VAC14: variants seen among roughly 807,000 people sequenced by gnomAD.
VAC14 encodes protein VAC14 homolog.
In VAC14, 47 loss-of-function variants were observed where a neutral mutation model predicts 85.3. The ratio of observed to expected loss-of-function variants is 0.55; its 90% CI spans 0.44 to 0.70. The LOEUF (loss-of-function observed/expected upper bound fraction) is 0.70, where lower values mean the gene tolerates loss of function less well. Among genes scored for constraint, VAC14 ranks in the 30% least tolerant of loss-of-function variants. The probability of loss-of-function intolerance (pLI) is 0.00; values close to 1 mark genes in which losing one functional copy is unlikely to be tolerated. For missense variants in VAC14, 861 were observed against 1,004.3 expected, an observed-to-expected ratio of 0.86 and a Z score of 1.93; for synonymous variants, 447 against 430.5, an observed-to-expected ratio of 1.04 and a Z score of -0.47.
In VAC14 at chr16:70,727,562, A is replaced by G. The variant is rs1255468051; in HGVS notation, c.1661+3933T>C. Among the ~76,000 whole-genome samples, 3 of 151,668 alleles carry G rather than the reference A, an allele frequency of 2.0e-5. No individual in the cohort carries two copies. The East Asian group carries it at 5.8e-4, about 29-fold the overall frequency. ...GCTATGTTGGCCAGGCTGGTCTTGAACTCCTGACCTCGTGATCCGCACACC... is the reference window on the plus strand; with the variant it reads ...GCTATGTTGGCCAGGCTGGTCTTGAGCTCCTGACCTCGTGATCCGCACACC... On this transcript the variant is annotated intron_variant, in intron 14 of 18. Transcript: ENST00000261776.
At chr16:70,765,906 C>G (rs1222156309) in intron 10 of VAC14, among the ~76,000 whole-genome samples, 1 of 151,972 alleles carries the variant, frequency 6.6e-6, no homozygotes, top group East Asian at 1.9e-4. Flanking sequence ...CCGAGGCAGG[C>G]GGATGATTTG....
intron 13 of VAC14, among the ~76,000 whole-genome samples, chr16:70,734,915 G>A (rs1035876620): frequency 2.0e-5 from 3 of 152,216 alleles, no homozygotes; most frequent in Non-Finnish European, 4.4e-5. Context: ...TAGAGTTGCT[G>A]ACCCAGGCAG....
At chr16:70,781,141 G>A (rs2033792310) in intron 8 of VAC14, among the ~76,000 whole-genome samples, 1 of 152,038 alleles carries the variant, frequency 6.6e-6, no homozygotes, top group African/African-American at 2.4e-5. Flanking sequence ...TATTATTCAT[G>A]AGGGGGCTCG....
At chr16:70,716,199 GTTTC>G (rs1260183279) in intron 14 of VAC14, 1 of 152,090 alleles carries the variant, frequency 6.6e-6, no homozygotes, top group Non-Finnish European at 1.5e-5. Context: ...CAGGTCACCT[GTTTC>G]TTTGTTACTT....
At chr16:70,792,849 C>T (rs1249096572) in intron 1 of VAC14, among the ~76,000 whole-genome samples, 1 of 152,228 alleles carries the variant, frequency 6.6e-6, no homozygotes, top group Non-Finnish European at 1.5e-5. Context: ...CCTAAGCACT[C>T]ACACTCTGCT....
chr16:70,720,762 C>T (rs896707811), intron 14 of VAC14, among the ~76,000 whole-genome samples: 1 of 152,190 alleles, frequency 6.6e-6, no homozygotes, highest in Non-Finnish European at 1.5e-5. Context: ...GAGGAGGCCC[C>T]GATGGCCCCA....
chr16:70,757,863 C>T (rs144058323), intron 12 of VAC14, among the ~76,000 whole-genome samples: 1 of 152,262 alleles, frequency 6.6e-6, no homozygotes, highest in African/African-American at 2.4e-5. Flanking sequence ...AGCAAGCTTC[C>T]ACTATTATTT....
At chr16:70,731,319 A>T in intron 14 of VAC14, 176 bp downstream of exon 14, 1 of 1,452,892 alleles carries the variant, frequency 6.9e-7, no homozygotes, top group Non-Finnish European at 9.0e-7. Context: ...TTCATGTCAG[A>T]AGCATCAGCA....
At chr16:70,691,466 C>G (rs1410589795) in intron 18 of VAC14, 1 of 967,770 alleles carries the variant, frequency 1.0e-6, no homozygotes, top group Non-Finnish European at 1.2e-6. Flanking sequence ...TTCTAGGCCT[C>G]TCTCGGAGTC....
chr16:70,747,532 C>T (rs951227848), intron 12 of VAC14: 9 of 150,034 alleles, frequency 6.0e-5, no homozygotes, highest in African/African-American at 2.2e-4. Flanking sequence ...CCTAAATCAG[C>T]AACCTAATTC....
At chr16:70,733,888 C>T (rs552054067) in intron 13 of VAC14, among the ~76,000 whole-genome samples, 6 of 152,268 alleles carry the variant, frequency 3.9e-5, no homozygotes, top group South Asian at 2.1e-4. Context: ...TACAATGGCA[C>T]GGTCTTGGCT....
intron 14 of VAC14, among the ~76,000 whole-genome samples, chr16:70,725,494 C>T (rs1048256071): frequency 1.6e-4 from 24 of 152,238 alleles, no homozygotes; most frequent in African/African-American, 2.9e-4. Flanking sequence ...AGCGGCTGCC[C>T]GGCCCCCCAC....
intron 1 of VAC14, among the ~76,000 whole-genome samples, chr16:70,787,203 G>A (rs1167296939): frequency 2.0e-5 from 3 of 152,198 alleles, no homozygotes; most frequent in Non-Finnish European, 4.4e-5. Flanking sequence ...TGGGTTTGAC[G>A]GGAGACTGAT....
chr16:70,779,857 T>C (rs2033719652), intron 9 of VAC14, among the ~76,000 whole-genome samples: 2 of 151,738 alleles, frequency 1.3e-5, no homozygotes, highest in African/African-American at 4.8e-5. Context: ...TTTTTTGAGA[T>C]AGGGTCTTTC....
At chr16:70,779,939 C>T (rs1289754134) in intron 9 of VAC14, among the ~76,000 whole-genome samples, 1 of 151,760 alleles carries the variant, frequency 6.6e-6, no homozygotes, top group Non-Finnish European at 1.5e-5. Context: ...GGCTCCTGGG[C>T]TCAAGTGATC....
At chr16:70,691,365 T>G in intron 18 of VAC14, 1 of 985,444 alleles carries the variant, frequency 1.0e-6, no homozygotes, top group Non-Finnish European at 1.2e-6. Flanking sequence ...CGGCTGCACC[T>G]TCCCCTCCTG....
chr16:70,793,243 C>T (rs941551876), intron 1 of VAC14, among the ~76,000 whole-genome samples: 5 of 152,184 alleles, frequency 3.3e-5, no homozygotes, highest in Non-Finnish European at 5.9e-5. Flanking sequence ...GAGGCTCTAG[C>T]GCTGGTCTTC....
At chr16:70,764,966 G>A (rs1447154354) in intron 10 of VAC14, among the ~76,000 whole-genome samples, 7 of 152,038 alleles carry the variant, frequency 4.6e-5, no homozygotes, top group Non-Finnish European at 8.8e-5. Flanking sequence ...CTTCCCTTGC[G>A]TTCTGTTCCA....
At chr16:70,710,293 C>T (rs1037991614) in intron 14 of VAC14, among the ~76,000 whole-genome samples, 19 of 152,260 alleles carry the variant, frequency 1.2e-4, no homozygotes, top group African/African-American at 4.3e-4. Context: ...CCCACCCATT[C>T]CCTGCAGCTT....
Sources: gnomAD v4.1 joint callset for allele counts (sites outside exome capture counted in the v4.1 genomes callset) on GRCh38, gnomAD v4.1.1 for gene constraint, MANE v1.5 for transcripts, NCBI Gene and HGNC (gene_info 2026-07-23, HGNC 2026-07-21) for gene names.